TFDP2: variants seen among roughly 807,000 people sequenced by gnomAD.
TFDP2 encodes transcription factor Dp-2 (E2F dimerization partner 2).
Under a neutral mutation model 59.3 loss-of-function variants are expected in TFDP2, and 17 were observed. That is an observed-to-expected ratio of 0.29 (90% CI 0.20 to 0.43). The LOEUF is 0.43. TFDP2 is among the 20% of genes least tolerant of loss of function. The pLI is 1.00. For synonymous variants in TFDP2, 180 were observed against 194.7 expected (o/e 0.92, Z 0.63); for missense variants, 391 against 528.8 (o/e 0.74, Z 2.56).
intron 1 of TFDP2, among the ~76,000 whole-genome samples, chr3:142,106,393 A>T (rs1207854774): frequency 1.3e-5 from 2 of 152,250 alleles, no homozygotes; most frequent in Non-Finnish European, 2.9e-5. Flanking sequence ...GCTTTGAGTG[A>T]TACTTTATAG....
intron 3 of TFDP2, among the ~76,000 whole-genome samples, chr3:142,035,411 T>C (rs538355969): frequency 6.6e-6 from 1 of 152,294 alleles, no homozygotes; most frequent in African/African-American, 2.4e-5. Context: ...ACTGAGACAA[T>C]AGTATGTCTA....
At position 142,061,889 on chromosome 3, in the gene TFDP2, TACACACACACACACACACACACA is replaced by T. The variant is rs1275812185; in HGVS notation, c.82+31149_82+31171del. ...CAATCAATTTCTCTCTCTCTCTCTC[TACACACACACACACACACACACA>T]CACACACACACACACACACACACAC... On this transcript the variant is annotated intron_variant, in intron 3 of 12. Transcript: ENST00000489671. Among the ~76,000 whole-genome samples the T allele has an allele frequency of 3.8e-4, 30 of 79,958 alleles. 1 individual carries two copies. The highest frequency in any genetic ancestry group is 1.2e-3 in the South Asian group (2 of 1,642). 52.5% of individuals were successfully genotyped at this position (79,958 alleles called of 152,430 possible).
chr3:142,034,946 T>C (rs1257112531), intron 3 of TFDP2, among the ~76,000 whole-genome samples: 1 of 152,178 alleles, frequency 6.6e-6, no homozygotes, highest in Non-Finnish European at 1.5e-5. Context: ...GACCTCGTGA[T>C]CCGCCTGCCT....
intron 3 of TFDP2, among the ~76,000 whole-genome samples, chr3:142,055,731 A>G (rs569217718): frequency 6.6e-6 from 1 of 152,260 alleles, no homozygotes; most frequent in East Asian, 1.9e-4. Flanking sequence ...GGAAACAGAT[A>G]TTATCTCCAG....
At chr3:142,008,623 G>A (rs1345541581) in intron 3 of TFDP2, among the ~76,000 whole-genome samples, 1 of 152,038 alleles carries the variant, frequency 6.6e-6, no homozygotes, top group East Asian at 1.9e-4. Context: ...AAAATGGATG[G>A]ATTCCACACC....
intron 3 of TFDP2, among the ~76,000 whole-genome samples, chr3:142,009,510 G>A (rs113948953): frequency 0.07 from 10,629 of 152,058 alleles, 477 homozygotes; most frequent in Non-Finnish European, 0.11. Flanking sequence ...TCAGGAGTTC[G>A]AAACCAGCCT....
At chr3:142,128,400 G>A (rs1405092139) in intron 1 of TFDP2, among the ~76,000 whole-genome samples, 2 of 152,098 alleles carry the variant, frequency 1.3e-5, no homozygotes, top group South Asian at 2.1e-4. Context: ...CAAAACAATC[G>A]GCCTGGGACT....
chr3:142,030,048 G>C (rs1309114225), intron 3 of TFDP2, among the ~76,000 whole-genome samples: 1 of 152,204 alleles, frequency 6.6e-6, no homozygotes, highest in Non-Finnish European at 1.5e-5. Context: ...GCTCCGTTCA[G>C]TGTTGTATCA....
At chr3:142,130,431 C>T (rs115998830) in intron 1 of TFDP2, among the ~76,000 whole-genome samples, 137 of 151,508 alleles carry the variant, frequency 9.0e-4, no homozygotes, top group African/African-American at 3.2e-3. Flanking sequence ...TTATCAGTGG[C>T]TGGGAGGAAG....
At chr3:142,017,208 TACTTATATAATTACTATC>T (rs1288278958) in intron 3 of TFDP2, among the ~76,000 whole-genome samples, 1 of 152,236 alleles carries the variant, frequency 6.6e-6, no homozygotes, top group East Asian at 1.9e-4. Flanking sequence ...TATTTATATT[TACTTATATAATTACTATC>T]TGTCTTGTCA....
chr3:141,957,534 T>C (rs1054086374), intron 11 of TFDP2, among the ~76,000 whole-genome samples: 1 of 152,120 alleles, frequency 6.6e-6, no homozygotes, highest in African/African-American at 2.4e-5. Context: ...AGCAGCATCA[T>C]TCGAGATAGC....
rs904846378 is a variant in TFDP2 at position 142,132,833 on chromosome 3, T to C, written c.-93+16350A>G. ...AAACCGTATGAGGAAAATGTTAAAATACTCCCAAAAGAAACTAAAAGAAGA... is the reference window on the plus strand; with the variant it reads ...AAACCGTATGAGGAAAATGTTAAAACACTCCCAAAAGAAACTAAAAGAAGA... On this transcript the variant is annotated intron_variant, in intron 1 of 12. Transcript: ENST00000489671. 2.1e-5 allele frequency among the ~76,000 whole-genome samples: 3 copies of C among 140,414 alleles called. 1 individual carries two copies. The highest frequency in any genetic ancestry group is 8.3e-5 in the African/African-American group (3 of 36,178). The allele number at this position is 140,414 out of a possible 152,430, so 92.1% of individuals were successfully genotyped here.
intron 6 of TFDP2, among the ~76,000 whole-genome samples, chr3:141,984,859 A>G (rs1043043970): frequency 1.2e-4 from 18 of 152,220 alleles, no homozygotes; most frequent in Non-Finnish European, 2.1e-4. Flanking sequence ...ACCAAATTCA[A>G]TATGAGAGGG....
chr3:142,096,468 C>A (rs73872576), intron 2 of TFDP2, among the ~76,000 whole-genome samples: 6,377 of 152,140 alleles, frequency 0.042, 461 homozygotes, highest in African/African-American at 0.15. Context: ...TTTGCCTAAT[C>A]ATGTCCTGAG....
chr3:142,053,212 G>A (rs1313366508), intron 3 of TFDP2, among the ~76,000 whole-genome samples: 1 of 152,202 alleles, frequency 6.6e-6, no homozygotes, highest in Non-Finnish European at 1.5e-5. Flanking sequence ...CAAATCTCAT[G>A]CTGAAATGTA....
At chr3:142,117,184 T>C (rs1205410841) in intron 1 of TFDP2, among the ~76,000 whole-genome samples, 2 of 151,990 alleles carry the variant, frequency 1.3e-5, no homozygotes, top group Non-Finnish European at 2.9e-5. Flanking sequence ...ACCTCCCAAA[T>C]TGCTGGGATT....
chr3:142,032,248 T>G (rs1946465357), intron 3 of TFDP2, among the ~76,000 whole-genome samples: 1 of 152,166 alleles, frequency 6.6e-6, no homozygotes, highest in Admixed American at 6.5e-5. Context: ...GGACCACAGG[T>G]GTGCACCACC....
intron 2 of TFDP2, chr3:142,093,892 T>C: frequency 2.2e-6 from 1 of 454,286 alleles, no homozygotes; most frequent in Admixed American, 2.4e-5. Context: ...CTAAATGAGA[T>C]AATTCATGTA....
intron 3 of TFDP2, among the ~76,000 whole-genome samples, chr3:142,079,503 C>T (rs939797151): frequency 6.6e-6 from 1 of 151,982 alleles, no homozygotes; most frequent in Non-Finnish European, 1.5e-5. Flanking sequence ...GCAAAATTCC[C>T]AAACCTAGAG....
Sources: gnomAD v4.1 joint callset for allele counts (sites outside exome capture counted in the v4.1 genomes callset) on GRCh38, gnomAD v4.1.1 for gene constraint, MANE v1.5 for transcripts, NCBI Gene and HGNC (gene_info 2026-07-23, HGNC 2026-07-21) for gene names.